MTARC2: variants seen among roughly 807,000 people sequenced by gnomAD.
MTARC2 encodes mitochondrial amidoxime reducing component 2, also known as MOCO sulphurase C-terminal domain containing 2.
MTARC2 carries 27 observed loss-of-function variants against 35.6 expected under a neutral mutation model. That is an observed-to-expected ratio of 0.76 (90% confidence interval 0.56 to 1.04). MTARC2 has a LOEUF of 1.04. Ranked by LOEUF, MTARC2 falls within the 50% of genes least tolerant of loss-of-function variation. The probability of loss-of-function intolerance (pLI) is 0.00; values close to 1 mark genes in which losing one functional copy is unlikely to be tolerated. For synonymous variants in MTARC2, 158 were observed against 167.1 expected, an observed-to-expected ratio of 0.95 and a Z score of 0.42; for missense variants, 412 against 432.5, an observed-to-expected ratio of 0.95 and a Z score of 0.42.
Position 220,784,075 on chromosome 1 carries a change from A to G in MTARC2, c.*188A>G. 7 of 672,246 alleles carry G rather than the reference A, an allele frequency of 1.0e-5. No homozygotes were observed. The South Asian group carries it at 1.2e-4, about 11-fold the overall frequency. 41.6% of individuals were successfully genotyped at this position (672,246 alleles called of 1,614,324 possible). A position where few individuals can be genotyped will look rare whatever the true frequency, so the allele number is the denominator to read the frequency against. On this transcript the variant is annotated 3_prime_UTR_variant, in exon 8 of 8. Coordinates refer to ENST00000366913, the MANE Select transcript of MTARC2 (RefSeq NM_017898.5). The stretch of plus-strand genomic sequence containing the variant: ...GTGTATGCTCCAGGTTAATGCAAGG[A>G]AAGTATTAGAGGGGGGAATATGAAA...
chr1:220,750,187 G>A (rs1671092460), intron 1 of MTARC2, among the ~76,000 whole-genome samples: 1 of 152,164 alleles, frequency 6.6e-6, no homozygotes, highest in South Asian at 2.1e-4. Flanking sequence ...AGAAGAAGAG[G>A]ATGTTTAGAG....
intron 4 of MTARC2, among the ~76,000 whole-genome samples, chr1:220,771,296 CAAA>C (rs57776178): frequency 0.075 from 4,273 of 56,768 alleles, 61 homozygotes; most frequent in East Asian, 0.23. Context: ...GAGACTGTCT[CAAA>C]AAAAAAAAAA....
intron 1 of MTARC2, among the ~76,000 whole-genome samples, chr1:220,750,464 T>C (rs1484368120): frequency 6.6e-6 from 1 of 152,234 alleles, no homozygotes; most frequent in Non-Finnish European, 1.5e-5. Flanking sequence ...TGCTTTGCCA[T>C]GACTACTGCA....
At chr1:220,755,485 T>A (rs1671253141) in intron 2 of MTARC2, among the ~76,000 whole-genome samples, 1 of 152,062 alleles carries the variant, frequency 6.6e-6, no homozygotes, top group Non-Finnish European at 1.5e-5. Context: ...GGGGAACATG[T>A]GGGCAAGGGC....
In MTARC2 at chr1:220,754,953, G is replaced by T. The variant is rs1213110862; in HGVS notation, c.279G>T (p.Trp93Cys). The change falls in exon 2 of 8, where the codon TGG (tryptophan) becomes TGT (cysteine). Residue 93 changes from tryptophan (W) to cysteine (C), a missense_variant. Physicochemically the swap from Trp to Cys is radical, Grantham distance 215 (BLOSUM62 -2). Coordinates refer to ENST00000366913, the MANE Select transcript of MTARC2 (RefSeq NM_017898.5). ...CTGGTTTGTTTCTCTGCAGGTTTTG[G>T]CTGGTGATTAAGGAAGATGGACACA... Reference protein sequence around the residue: ...LRSGNLRDRFWLVIKEDGHMV... With the variant: ...LRSGNLRDRFCLVIKEDGHMV... The T allele has an allele frequency of 4.4e-6, 7 of 1,583,420 alleles. No individual in the cohort carries two copies. Among genetic ancestry groups the T allele is most frequent in the Admixed American group, 3.6e-5 (2 of 55,858 alleles).
At chr1:220,771,046 C>T (rs893338830) in intron 4 of MTARC2, among the ~76,000 whole-genome samples, 5 of 152,168 alleles carry the variant, frequency 3.3e-5, no homozygotes, top group Non-Finnish European at 7.3e-5. Flanking sequence ...CGCCTGTAAT[C>T]CCAGCACTTT....
In MTARC2 at chr1:220,748,486, T is replaced by C; in HGVS notation, c.-46T>C. The C allele has an allele frequency of 7.4e-7, 1 of 1,352,202 alleles. No homozygotes were observed. Among genetic ancestry groups the C allele is most frequent in the Non-Finnish European group, 9.4e-7 (1 of 1,061,180 alleles). 83.8% of individuals were successfully genotyped at this position (1,352,202 alleles called of 1,614,324 possible). A position where few individuals can be genotyped will look rare whatever the true frequency, so the allele number is the denominator to read the frequency against. On this transcript the variant is annotated 5_prime_UTR_variant, in exon 1 of 8. Transcript: ENST00000366913. ...GCCTCCTCGTCCTCCCGGTCTCCGG[T>C]CGCTGCCGGGTCTGTGCGCCGGTCC...
intron 1 of MTARC2, among the ~76,000 whole-genome samples, chr1:220,753,170 G>A: frequency 6.6e-6 from 1 of 151,872 alleles, no homozygotes; most frequent in East Asian, 1.9e-4. Flanking sequence ...GGAGCTTGCA[G>A]TTAGCCGAGA....
intron 4 of MTARC2, among the ~76,000 whole-genome samples, chr1:220,763,714 A>G (rs1469594297): frequency 6.6e-6 from 1 of 152,204 alleles, no homozygotes; most frequent in Non-Finnish European, 1.5e-5. Context: ...GGTGAGCTAA[A>G]CTTTCCGAGC....
chr1:220,774,972 T>A (rs1449024570), intron 4 of MTARC2, among the ~76,000 whole-genome samples: 1 of 152,168 alleles, frequency 6.6e-6, no homozygotes, highest in Non-Finnish European at 1.5e-5. Flanking sequence ...TGTGTGTGTG[T>A]ACACACATTC....
intron 1 of MTARC2, among the ~76,000 whole-genome samples, chr1:220,749,165 A>G (rs1302329864): frequency 6.6e-6 from 1 of 152,184 alleles, no homozygotes; most frequent in African/African-American, 2.4e-5. Context: ...AAAGAAACCA[A>G]GTGTTGTTCA....
chr1:220,751,326 T>C (rs1671117362), intron 1 of MTARC2, among the ~76,000 whole-genome samples: 1 of 152,220 alleles, frequency 6.6e-6, no homozygotes, highest in African/African-American at 2.4e-5. Flanking sequence ...GGCAGAATGC[T>C]GGCATTCGGT....
At chr1:220,754,413 T>G (rs1671220466) in intron 1 of MTARC2, 1 of 456,346 alleles carries the variant, frequency 2.2e-6, no homozygotes. Context: ...TTTCCTGATG[T>G]AGGACCCCCG....
At chr1:220,754,658 A>G (rs1297077763) in intron 1 of MTARC2, among the ~76,000 whole-genome samples, 1 of 152,208 alleles carries the variant, frequency 6.6e-6, no homozygotes, top group African/African-American at 2.4e-5. Flanking sequence ...TTGACTAAGC[A>G]GTGAGGGAGA....
intron 4 of MTARC2, among the ~76,000 whole-genome samples, chr1:220,777,886 T>C (rs1035820027): frequency 6.6e-6 from 1 of 152,166 alleles, no homozygotes; most frequent in Non-Finnish European, 1.5e-5. Flanking sequence ...TGTCTGGATA[T>C]ATGTATTGGT....
chr1:220,751,496 A>G (rs1671124204), intron 1 of MTARC2, among the ~76,000 whole-genome samples: 1 of 152,196 alleles, frequency 6.6e-6, no homozygotes, highest in African/African-American at 2.4e-5. Flanking sequence ...TGTTGGAGAA[A>G]GGAATCCCTT....
Position 220,770,038 on chromosome 1 carries a change from C to T in MTARC2, c.750+6988C>T, listed in dbSNP as rs113681160. ...AGGAGAATGGCGTGAACCCGGGAGG[C>T]GGAGCTTGCAGTGAGCCGAGATCGC... On this transcript the variant is annotated intron_variant, in intron 4 of 7. Coordinates refer to ENST00000366913, the MANE Select transcript of MTARC2 (RefSeq NM_017898.5). 4.0e-3 allele frequency among the ~76,000 whole-genome samples: 611 copies of T among 151,312 alleles called. 6 individuals are homozygous for T. The highest frequency in any genetic ancestry group is 0.014 in the African/African-American group (573 of 41,232).
In MTARC2 at chr1:220,750,683, C is replaced by T. The variant is rs376723038; in HGVS notation, c.272+1880C>T. ...CAGCAGACACTGAGCTAAATCCTGT[C>T]GCATAGATTAGCATATTTAAACCTC... On this transcript the variant is annotated intron_variant, in intron 1 of 7. Transcript: ENST00000366913. Among the ~76,000 whole-genome samples the T allele has an allele frequency of 1.9e-3, 283 of 152,290 alleles. 9 individuals are homozygous for T. The South Asian group carries it at 0.057, about 31-fold the overall frequency.
intron 1 of MTARC2, 57 bp downstream of exon 1, chr1:220,748,860 G>T (rs1671056894): frequency 1.3e-6 from 2 of 1,485,398 alleles, no homozygotes; most frequent in Non-Finnish European, 1.8e-6. Context: ...GAGGAGCGGG[G>T]GGGCAGGTGG....
Sources: gnomAD v4.1 joint callset for allele counts (sites outside exome capture counted in the v4.1 genomes callset) on GRCh38, gnomAD v4.1.1 for gene constraint, MANE v1.5 for transcripts, NCBI Gene and HGNC (gene_info 2026-07-23, HGNC 2026-07-21) for gene names.